Variants in KLF8 observed in about 807,000 individuals in gnomAD.
KLF8 encodes the protein KLF transcription factor 8, also known as Krueppel-like factor 8.
In KLF8, 10 loss-of-function variants were observed where a neutral mutation model predicts 18.2. The observed-to-expected ratio is 0.55, with a 90% confidence interval of 0.34 to 0.93. KLF8 has a LOEUF of 0.93. KLF8 is among the 40% of genes least tolerant of loss of function. The probability of loss-of-function intolerance (pLI) is 0.02; values close to 1 mark genes in which losing one functional copy is unlikely to be tolerated. For synonymous variants in KLF8, 109 were observed against 97.3 expected (o/e 1.12, Z -0.71); for missense variants, 264 against 277.9 (o/e 0.95, Z 0.36).
At chrX:56,003,975 T>C in the KLF8 span, among the ~76,000 whole-genome samples, 1 of 112,603 alleles carries the variant, frequency 8.9e-6, no homozygotes, top group East Asian at 2.8e-4. Flanking sequence ...CTTATCTTGC[T>C]CTGAATATAA....
chrX:56,170,381 A>G, the KLF8 span, among the ~76,000 whole-genome samples: 1 of 111,172 alleles, frequency 9.0e-6, no homozygotes, highest in Admixed American at 9.7e-5. Context: ...CAGAAATGTG[A>G]CCTTTCAGAA....
At chrX:56,177,498 G>T in the KLF8 span, among the ~76,000 whole-genome samples, 1 of 110,818 alleles carries the variant, frequency 9.0e-6, no homozygotes, top group East Asian at 2.9e-4. Flanking sequence ...CATGTGAGGT[G>T]TCCATCTGCC....
At chrX:56,221,522 G>A in the KLF8 span, among the ~76,000 whole-genome samples, 1 of 111,535 alleles carries the variant, frequency 9.0e-6, no homozygotes, top group Non-Finnish European at 1.9e-5. Context: ...ACTTCTTAAA[G>A]GCAGCGTGTC....
At chrX:56,254,534 C>G (rs1364768514) in intron 2 of KLF8, among the ~76,000 whole-genome samples, 4 of 112,042 alleles carry the variant, frequency 3.6e-5, no homozygotes, top group African/African-American at 9.7e-5. Context: ...CTTCTGCACC[C>G]ACACTGAAGT....
At chrX:56,054,401 T>A in the KLF8 span, among the ~76,000 whole-genome samples, 3 of 111,985 alleles carry the variant, frequency 2.7e-5, no homozygotes, top group Non-Finnish European at 5.6e-5. Flanking sequence ...TGGTTTTGAA[T>A]GAATTTTTTA....
the KLF8 span, among the ~76,000 whole-genome samples, chrX:55,994,692 G>C: frequency 2.7e-5 from 3 of 111,428 alleles, no homozygotes; most frequent in South Asian, 7.6e-4. Context: ...AAGTCATTCA[G>C]GGGCATATTG....
At chrX:56,240,628 A>G (rs1298109883) in intron 1 of KLF8, among the ~76,000 whole-genome samples, 1 of 111,526 alleles carries the variant, frequency 9.0e-6, no homozygotes, top group African/African-American at 3.3e-5. Flanking sequence ...CTGTACATAT[A>G]TTCAATATTA....
At chrX:55,971,794 A>G in the KLF8 span, among the ~76,000 whole-genome samples, 3 of 111,628 alleles carry the variant, frequency 2.7e-5, no homozygotes, top group African/African-American at 9.7e-5. Context: ...AATGACAGAC[A>G]AGCATATGAA....
the KLF8 span, among the ~76,000 whole-genome samples, chrX:56,077,579 G>A: frequency 1.8e-5 from 2 of 111,976 alleles, no homozygotes; most frequent in African/African-American, 6.5e-5. Flanking sequence ...GTAGCGTGAT[G>A]CCTCCACCTT....
the KLF8 span, among the ~76,000 whole-genome samples, chrX:55,960,571 A>G: frequency 3.6e-5 from 2 of 55,730 alleles, no homozygotes; most frequent in Non-Finnish European, 5.0e-5. Context: ...AGGAAAGAAG[A>G]AGGAGGAGGA....
chrX:56,121,218 T>A, the KLF8 span, among the ~76,000 whole-genome samples: 2 of 102,706 alleles, frequency 1.9e-5, no homozygotes, highest in Admixed American at 1.0e-4. Context: ...AAACACTAAA[T>A]TCAGACACCA....
chrX:56,194,356 A>G, the KLF8 span, among the ~76,000 whole-genome samples: 3 of 111,842 alleles, frequency 2.7e-5, no homozygotes, highest in African/African-American at 9.8e-5. Context: ...GGACACTCCC[A>G]CCCCAATACT....
At chrX:56,241,127 G>A (rs1009727038) in intron 1 of KLF8, among the ~76,000 whole-genome samples, 1 of 111,881 alleles carries the variant, frequency 8.9e-6, no homozygotes, top group African/African-American at 3.3e-5. Flanking sequence ...TCTGAGAGTA[G>A]GCGCATGGGG....
At chrX:56,255,469 G>A (rs2066778919) in intron 2 of KLF8, among the ~76,000 whole-genome samples, 1 of 112,258 alleles carries the variant, frequency 8.9e-6, no homozygotes, top group Non-Finnish European at 1.9e-5. Flanking sequence ...TGTTGACAAT[G>A]GGCATCCTTG....
chrX:55,992,333 C>A, the KLF8 span, among the ~76,000 whole-genome samples: 1 of 112,348 alleles, frequency 8.9e-6, no homozygotes, highest in South Asian at 3.7e-4. Flanking sequence ...CCAGTTATCC[C>A]AGTACCATTT....
chrX:56,278,075 G>T (rs1165139927), intron 5 of KLF8, among the ~76,000 whole-genome samples: 2 of 112,637 alleles, frequency 1.8e-5, no homozygotes, highest in African/African-American at 6.4e-5. Flanking sequence ...GCCCTGGGCA[G>T]ATCCAGAAAT....
chrX:56,257,755 G>A (rs1265899098), intron 2 of KLF8, among the ~76,000 whole-genome samples: 1 of 111,842 alleles, frequency 8.9e-6, no homozygotes, highest in Admixed American at 9.5e-5. Flanking sequence ...GATCCATTCC[G>A]CCATCGATGG....
the KLF8 span, among the ~76,000 whole-genome samples, chrX:56,096,394 C>A: frequency 1.8e-5 from 2 of 111,198 alleles, no homozygotes; most frequent in Admixed American, 1.9e-4. Context: ...CACCACTATG[C>A]AATATATGCA....
chrX:56,095,725 G>T, the KLF8 span, among the ~76,000 whole-genome samples: 5 of 111,347 alleles, frequency 4.5e-5, no homozygotes, highest in African/African-American at 1.6e-4. Flanking sequence ...AATCATCAGA[G>T]AAATGAAAGT....
Sources: allele counts gnomAD v4.1 joint callset (sites outside exome capture counted in the v4.1 genomes callset), GRCh38; gene constraint gnomAD v4.1.1; transcripts MANE v1.5; gene names NCBI Gene and HGNC (gene_info 2026-07-23, HGNC 2026-07-21).